Variants in EPB41L4A observed in about 807,000 individuals in gnomAD.
EPB41L4A encodes band 4.1-like protein 4A.
A neutral mutation model predicts 108.6 loss-of-function variants in EPB41L4A; 100 were observed. The observed-to-expected ratio is 0.92, with a 90% CI of 0.78 to 1.09. EPB41L4A has a LOEUF of 1.09. EPB41L4A is among the 50% of genes least tolerant of loss of function. The pLI is 0.00. For synonymous variants in EPB41L4A, 319 were observed against 289.0 expected, an observed-to-expected ratio of 1.10 and a Z score of -1.05; for missense variants, 1,030 against 842.7, an observed-to-expected ratio of 1.22 and a Z score of -2.75.
intron 12 of EPB41L4A, among the ~76,000 whole-genome samples, chr5:112,212,734 G>T (rs540070767): frequency 1.3e-5 from 2 of 152,094 alleles, no homozygotes; most frequent in Non-Finnish European, 2.9e-5. Flanking sequence ...GGGAGAGGGG[G>T]CCACAGCAGA....
At chr5:112,267,539 G>A (rs1751949107) in intron 4 of EPB41L4A, among the ~76,000 whole-genome samples, 2 of 152,074 alleles carry the variant, frequency 1.3e-5, no homozygotes, top group South Asian at 2.1e-4. Context: ...GCCTTCAGAT[G>A]TCCACGTAAA....
intron 1 of EPB41L4A, among the ~76,000 whole-genome samples, chr5:112,418,258 T>C (rs1438762818): frequency 6.6e-6 from 1 of 152,238 alleles, no homozygotes; most frequent in Non-Finnish European, 1.5e-5. Context: ...TCTCATCCAA[T>C]GTAAGGAAGA....
chr5:112,324,235 G>A (rs548358309), intron 1 of EPB41L4A, among the ~76,000 whole-genome samples: 1 of 152,280 alleles, frequency 6.6e-6, no homozygotes, highest in African/African-American at 2.4e-5. Flanking sequence ...AACTATCTCA[G>A]TAAAACTAAG....
intron 12 of EPB41L4A, among the ~76,000 whole-genome samples, chr5:112,219,673 A>T (rs1747906942): frequency 6.6e-6 from 1 of 152,142 alleles, no homozygotes; most frequent in Non-Finnish European, 1.5e-5. Context: ...TAAATTATTA[A>T]ATATAAAAAG....
chr5:112,335,310 C>T (rs867241830), intron 1 of EPB41L4A, among the ~76,000 whole-genome samples: 2 of 152,184 alleles, frequency 1.3e-5, no homozygotes, highest in Non-Finnish European at 2.9e-5. Context: ...AACAGTCAGA[C>T]ACCTTTTAAG....
At chr5:112,285,670 A>C (rs1468688089) in intron 2 of EPB41L4A, among the ~76,000 whole-genome samples, 1 of 152,196 alleles carries the variant, frequency 6.6e-6, no homozygotes, top group Non-Finnish European at 1.5e-5. Flanking sequence ...GTGAATTTCA[A>C]GAAATCTCTG....
intron 1 of EPB41L4A, among the ~76,000 whole-genome samples, chr5:112,372,997 A>G (rs1759588749): frequency 1.3e-5 from 2 of 152,230 alleles, no homozygotes; most frequent in African/African-American, 4.8e-5. Context: ...AGTTCCATAT[A>G]TTCTTTTTAA....
In EPB41L4A at chr5:112,264,965, T is replaced by C; in HGVS notation, c.485A>G (p.Glu162Gly). ...PYKHTAGYVS[E>G]YRFVPDQKEE... ...CTTCTGATCAGGAACAAACCGGTAC[T>C]CAGATACATATCCTGCAGTATGTTT... Residue 162 changes from glutamate (E) to glycine (G), a missense_variant, in exon 6 of 23, where the codon GAG becomes GGG. Transcript: ENST00000261486. 6.2e-7 allele frequency: 1 copy of C among 1,611,868 alleles called. No individual in the cohort carries two copies. Among genetic ancestry groups the C allele is most frequent in the African/African-American group, 1.3e-5 (1 of 74,980 alleles).
In EPB41L4A at chr5:112,345,815, ACACACACG is replaced by A. The variant is rs1205344169; in HGVS notation, c.100-38333_100-38326del. Among the ~76,000 whole-genome samples, 9 of 140,458 alleles carry A rather than the reference ACACACACG, an allele frequency of 6.4e-5. No homozygotes were observed. In the East Asian group the frequency reaches 1.8e-3, roughly 28 times the overall value. 92.1% of individuals were successfully genotyped at this position (140,458 alleles called of 152,430 possible). On this transcript the variant is annotated intron_variant, in intron 1 of 22. Transcript: ENST00000261486. ...CACACACACACACACACACACACACACACACACGCACACATAAAGCCCCAGCAACCTGG... is the reference window on the plus strand; with the variant it reads ...CACACACACACACACACACACACACACACACATAAAGCCCCAGCAACCTGG...
At chr5:112,380,305 C>G (rs779862473) in intron 1 of EPB41L4A, among the ~76,000 whole-genome samples, 1 of 152,146 alleles carries the variant, frequency 6.6e-6, no homozygotes, top group Non-Finnish European at 1.5e-5. Flanking sequence ...ATAACGTTTC[C>G]TCTCCCCCTG....
intron 12 of EPB41L4A, among the ~76,000 whole-genome samples, chr5:112,222,108 T>G (rs1340945580): frequency 6.6e-6 from 1 of 152,194 alleles, no homozygotes; most frequent in Non-Finnish European, 1.5e-5. Flanking sequence ...ACTTACACAT[T>G]TTCTTCTAAA....
intron 2 of EPB41L4A, among the ~76,000 whole-genome samples, chr5:112,286,872 A>G (rs112762597): frequency 6.6e-5 from 10 of 152,248 alleles, no homozygotes; most frequent in African/African-American, 1.9e-4. Context: ...ATGAGAAAAA[A>G]AAAAAAAAGT....
chr5:112,390,140 C>CA (rs1561634636), intron 1 of EPB41L4A, among the ~76,000 whole-genome samples: 2 of 152,192 alleles, frequency 1.3e-5, no homozygotes, highest in African/African-American at 4.8e-5. Flanking sequence ...ACACAGAAGA[C>CA]GGGTGACTTC....
chr5:112,365,225 C>T (rs968808326), intron 1 of EPB41L4A, among the ~76,000 whole-genome samples: 1 of 152,116 alleles, frequency 6.6e-6, no homozygotes, highest in African/African-American at 2.4e-5. Flanking sequence ...GGTCTCGCTA[C>T]ATGGCCCAGG....
chr5:112,267,375 T>C (rs1368293560), intron 4 of EPB41L4A, among the ~76,000 whole-genome samples: 1 of 152,192 alleles, frequency 6.6e-6, no homozygotes, highest in East Asian at 1.9e-4. Context: ...ACCAAAGCAC[T>C]TAGTGAGGAA....
At chr5:112,202,488 A>C (rs1336286857) in intron 15 of EPB41L4A, among the ~76,000 whole-genome samples, 1 of 152,192 alleles carries the variant, frequency 6.6e-6, no homozygotes, top group African/African-American at 2.4e-5. Context: ...GCCTGAATAC[A>C]AATGCCATTT....
chr5:112,354,744 A>T (rs1232173236), intron 1 of EPB41L4A, among the ~76,000 whole-genome samples: 1 of 152,198 alleles, frequency 6.6e-6, no homozygotes, highest in Non-Finnish European at 1.5e-5. Context: ...TTCTCCACAG[A>T]TTAACAGTAT....
chr5:112,311,250 G>C (rs937539039), intron 1 of EPB41L4A, among the ~76,000 whole-genome samples: 1 of 152,110 alleles, frequency 6.6e-6, no homozygotes, highest in Non-Finnish European at 1.5e-5. Flanking sequence ...CAAGAGGCAG[G>C]CCAGTATCCC....
At chr5:112,335,654 T>G (rs1021636622) in intron 1 of EPB41L4A, among the ~76,000 whole-genome samples, 1 of 152,220 alleles carries the variant, frequency 6.6e-6, no homozygotes, top group Non-Finnish European at 1.5e-5. Flanking sequence ...TCTCCACTAC[T>G]GCAAGTGCCT....
Sources: allele counts gnomAD v4.1 joint callset (sites outside exome capture counted in the v4.1 genomes callset), GRCh38; gene constraint gnomAD v4.1.1; transcripts MANE v1.5; gene names NCBI Gene and HGNC (gene_info 2026-07-23, HGNC 2026-07-21).